PPP1R15A: variants seen among roughly 807,000 people sequenced by gnomAD.
PPP1R15A encodes the protein growth arrest and DNA damage-inducible protein GADD34.
PPP1R15A carries 43 observed loss-of-function variants against 48.5 expected under a neutral mutation model. That is an observed-to-expected ratio of 0.89 (90% CI 0.69 to 1.14). PPP1R15A has a LOEUF of 1.14. Ranked by LOEUF, PPP1R15A falls within the 50% of genes most tolerant of loss-of-function variation. The pLI, the probability that PPP1R15A is intolerant of heterozygous loss-of-function variation, is 0.00. For missense variants in PPP1R15A, 868 were observed against 847.2 expected, an observed-to-expected ratio of 1.02 and a Z score of -0.30; for synonymous variants, 327 against 327.4, an observed-to-expected ratio of 1.00 and a Z score of 0.01.
rs201262597 is a variant in PPP1R15A, at chr19:48,873,984, C to G, written c.751C>G (p.Arg251Gly). The change falls in exon 2 of 3, where the codon CGA becomes GGA. Residue 251 changes from arginine (R) to glycine (G), a missense_variant. Coordinates refer to ENST00000200453, the MANE Select transcript of PPP1R15A (RefSeq NM_014330.5). ...KGARKTSVSPRSSGSDPRSWE... is the reference protein window; with the variant it reads ...KGARKTSVSPGSSGSDPRSWE... ...AGCCAGGAAGACCTCCGTGTCCCCC[C>G]GATCTTCAGGCTCCGACCCCAGGTC... is the stretch of plus-strand genomic sequence containing the variant. 8 of 1,614,120 alleles carry G rather than the reference C, an allele frequency of 5.0e-6. 1 individual carries two copies. The highest frequency in any genetic ancestry group is 1.1e-5 in the South Asian group (1 of 91,084).
At chr19:48,875,429 T>G in intron 2 of PPP1R15A, 185 bp from the exon 3 acceptor site, 2 of 810,696 alleles carry the variant, frequency 2.5e-6, no homozygotes, top group Non-Finnish European at 3.6e-6. Flanking sequence ...AACCACCTCT[T>G]CCTTCAGTGA....
rs761342397 is a variant in PPP1R15A, at chr19:48,874,237, C to G, written c.1004C>G (p.Pro335Arg). The G allele has an allele frequency of 6.2e-7, 1 of 1,614,176 alleles. No individual in the cohort carries two copies. The highest frequency in any genetic ancestry group is 1.7e-5 in the Admixed American group (1 of 60,010). Residue 335 changes from proline to arginine, a missense_variant, in exon 2 of 3, where the codon CCA becomes CGA. By Grantham distance (103) the Pro-to-Arg change is moderately radical. Transcript: ENST00000200453. The part of the protein sequence containing the change: ...EAECPPCIPP[P>R]SAFLKAWVYW... ...GAGTGTCCTCCCTGCATCCCCCCAC[C>G]AAGTGCCTTCCTGAAGGCCTGGGTG...
intron 2 of PPP1R15A, 141 bp downstream of exon 2, chr19:48,875,039 G>A: frequency 9.4e-7 from 1 of 1,066,000 alleles, no homozygotes; most frequent in Non-Finnish European, 1.3e-6. Context: ...CGATTCTCGT[G>A]CCTCAGCCTC....
rs2037030987 is a variant in PPP1R15A at position 48,873,284 on chromosome 19, C to A, written c.51C>A (p.His17Gln). 2 of 1,576,714 alleles carry A rather than the reference C, an allele frequency of 1.3e-6. No individual in the cohort carries two copies. Among genetic ancestry groups the A allele is most frequent in the Admixed American group, 2.0e-5 (1 of 50,684 alleles). Reference sequence around the variant, plus strand: ...AGGCTACCCCGTGGAGGGATGCCCACCCTTTCTTCCTCCTGTCCCCAGTGA... The same window carrying A: ...AGGCTACCCCGTGGAGGGATGCCCAACCTTTCTTCCTCCTGTCCCCAGTGA... ...PHQATPWRDA[H>Q]PFFLLSPVMG... The change falls in exon 2 of 3, where the codon CAC (histidine) becomes CAA (glutamine). Residue 17 changes from histidine (H) to glutamine (Q), a missense_variant. Coordinates refer to ENST00000200453, the MANE Select transcript of PPP1R15A (RefSeq NM_014330.5).
In PPP1R15A at chr19:48,873,223, A is replaced by G; in HGVS notation, c.-9-2A>G. On this transcript the variant is annotated splice_acceptor_variant, in intron 1 of 2. Transcript: ENST00000200453. LOFTEE classifies it low-confidence loss of function (5UTR_SPLICE). ...CTTTATTTTTTTCTCCCCCTTTTCC[A>G]GCCCAGACACATGGCCCCAGGCCAA... The G allele has an allele frequency of 2.7e-6, 4 of 1,494,458 alleles. No individual in the cohort carries two copies. The highest frequency in any genetic ancestry group is 3.6e-6 in the Non-Finnish European group (4 of 1,120,220). The allele number at this position is 1,494,458 out of a possible 1,614,324, so 92.6% of individuals were successfully genotyped here.
At position 48,873,359 on chromosome 19, in the gene PPP1R15A, A is replaced by G. The variant is rs908641704; in HGVS notation, c.126A>G (p.Leu42=). The G allele has an allele frequency of 6.2e-7, 1 of 1,613,822 alleles. No individual in the cohort carries two copies. Among genetic ancestry groups the G allele is most frequent in the Non-Finnish European group, 8.5e-7 (1 of 1,179,934 alleles). ...AWSRLRGLGP[L]EPWLVEAVKG... ...GCCGCCTGAGGGGCCTGGGACCTCTAGAGCCCTGGCTGGTGGAAGCAGTAA... is the reference window on the plus strand; with the variant it reads ...GCCGCCTGAGGGGCCTGGGACCTCTGGAGCCCTGGCTGGTGGAAGCAGTAA... Residue 42 remains leucine (L), a synonymous_variant, in exon 2 of 3, where the codon CTA becomes CTG. Transcript: ENST00000200453.
In PPP1R15A at chr19:48,873,977, GT is replaced by G; in HGVS notation, c.745del (p.Ser249ProfsTer91). 6.2e-7 allele frequency: 1 copy of G among 1,614,156 alleles called. No homozygotes were observed. Among genetic ancestry groups the G allele is most frequent in the East Asian group, 2.2e-5 (1 of 44,886 alleles). Reference protein sequence around the residue: ...RSKGARKTSVSPRSSGSDPRS... With the variant: ...RSKGARKTSVXPRSSGSDPRS... ...GTAAAGGAGCCAGGAAGACCTCCGT[GT>G]CCCCCCGATCTTCAGGCTCCGACCC... On this transcript the variant is annotated frameshift_variant, in exon 2 of 3. Coordinates refer to ENST00000200453, the MANE Select transcript of PPP1R15A (RefSeq NM_014330.5). LOFTEE classifies it high-confidence loss of function.
rs1207588530 is a variant in PPP1R15A at position 48,875,922 on chromosome 19, C to T, written c.1974C>T (p.Arg658=). Residue 658 remains arginine (R), a synonymous_variant, in exon 3 of 3, where the codon CGC becomes CGT. Coordinates refer to ENST00000200453, the MANE Select transcript of PPP1R15A (RefSeq NM_014330.5). ...PLSQAVATPS[R]SSAAAAAALD... ...GCCAAGCTGTGGCCACACCTTCCCG[C>T]TCGTCTGCTGCTGCAGCGGCTGCCC... 3 of 1,611,942 alleles carry T rather than the reference C, an allele frequency of 1.9e-6. No homozygotes were observed. The highest frequency in any genetic ancestry group is 2.5e-6 in the Non-Finnish European group (3 of 1,178,314).
Position 48,874,313 on chromosome 19 carries a change from G to C in PPP1R15A, c.1080G>C (p.Glu360Asp). The C allele has an allele frequency of 1.2e-6, 2 of 1,611,234 alleles. No individual in the cohort carries two copies. The highest frequency in any genetic ancestry group is 1.7e-6 in the Non-Finnish European group (2 of 1,179,238). Residue 360 changes from glutamate to aspartate, a missense_variant, in exon 2 of 3, where the codon GAG becomes GAC. By Grantham distance (45) the Glu-to-Asp change is conservative. Coordinates refer to ENST00000200453, the MANE Select transcript of PPP1R15A (RefSeq NM_014330.5). ...TEEEEDEEED[E>D]DSDSGSDEEE... ...AAGAGGAAGATGAGGAAGAAGATGA[G>C]GACAGTGACTCTGGATCAGATGAGG...
chr19:48,872,723 G>T lies in PPP1R15A; in HGVS notation c.-10+72G>T, dbSNP rs375871401. 21 of 319,532 alleles carry T rather than the reference G, an allele frequency of 6.6e-5. No homozygotes were observed. In the East Asian group the frequency reaches 1.8e-3, roughly 27 times the overall value. The allele number at this position is 319,532 out of a possible 1,614,324, so 19.8% of individuals were successfully genotyped here. A position where few individuals can be genotyped will look rare whatever the true frequency, so the allele number is the denominator to read the frequency against. ...CGGATTTAGAAAGGAGAAGGGGTTG[G>T]GAGCCTGGAGTCCTGAGCCTGAGGG... On this transcript the variant is annotated intron_variant, in intron 1 of 2. Transcript: ENST00000200453.
Position 48,873,783 on chromosome 19 carries a change from C to G in PPP1R15A, c.550C>G (p.Arg184Gly). ...CAAGTTCTCTTATCCACCATCACAC[C>G]GGGAGTGTTGTCCAGCCGTGGAGGA... ...VNKFSYPPSH[R>G]ECCPAVEEED... Residue 184 changes from arginine to glycine, a missense_variant, in exon 2 of 3, where the codon CGG becomes GGG. Transcript: ENST00000200453. 1 of 1,613,990 alleles carries G rather than the reference C, an allele frequency of 6.2e-7. No individual in the cohort carries two copies. Among genetic ancestry groups the G allele is most frequent in the Non-Finnish European group, 8.5e-7 (1 of 1,179,980 alleles).
At chr19:48,875,106 T>C in intron 2 of PPP1R15A, 1 of 555,558 alleles carries the variant, frequency 1.8e-6, no homozygotes, top group Non-Finnish European at 2.9e-6. Context: ...TTTTTTGTAT[T>C]TTTAGTAGAG....
Position 48,874,700 on chromosome 19 carries a change from G to C in PPP1R15A, c.1467G>C (p.Glu489Asp), listed in dbSNP as rs778736029. 3.1e-6 allele frequency: 5 copies of C among 1,613,950 alleles called. No homozygotes were observed. Among genetic ancestry groups the C allele is most frequent in the Non-Finnish European group, 3.4e-6 (4 of 1,180,008 alleles). ...FRGWGYRPGKETEEEEAAEDW... is the reference protein window; with the variant it reads ...FRGWGYRPGKDTEEEEAAEDW... ...GCTGGGGATATCGACCTGGAAAAGAGACAGAGGAAGAGGAAGCTGCTGAGG... is the reference window on the plus strand; with the variant it reads ...GCTGGGGATATCGACCTGGAAAAGACACAGAGGAAGAGGAAGCTGCTGAGG... The change falls in exon 2 of 3, where the codon GAG becomes GAC. Residue 489 changes from glutamate (E) to aspartate (D), a missense_variant. Glu to Asp is a conservative substitution (Grantham distance 45). Coordinates refer to ENST00000200453, the MANE Select transcript of PPP1R15A (RefSeq NM_014330.5).
Position 48,874,330 on chromosome 19 carries a change from C to A in PPP1R15A, c.1097C>A (p.Ser366Ter). 1 of 1,610,604 alleles carries A rather than the reference C, an allele frequency of 6.2e-7. No homozygotes were observed. The highest frequency in any genetic ancestry group is 8.5e-7 in the Non-Finnish European group (1 of 1,179,230). ...GAAGATGAGGACAGTGACTCTGGATCAGATGAGGAAGAGGGAGAAGCTGAG... is the reference window on the plus strand; with the variant it reads ...GAAGATGAGGACAGTGACTCTGGATAAGATGAGGAAGAGGGAGAAGCTGAG... ...EEEDEDSDSGSDEEEGEAEAS... is the reference protein window; with the variant it reads ...EEEDEDSDSG The change falls in exon 2 of 3, where the codon TCA becomes TAA. Residue 366 changes from serine (S) to a stop codon, truncating the protein, a stop_gained. Transcript: ENST00000200453. LOFTEE classifies it high-confidence loss of function.
Position 48,874,121 on chromosome 19 carries a change from G to GC in PPP1R15A, c.892dup (p.Gln298ProfsTer11). The GC allele has an allele frequency of 3.7e-6, 6 of 1,614,184 alleles. No individual in the cohort carries two copies. Among genetic ancestry groups the GC allele is most frequent in the Non-Finnish European group, 5.1e-6 (6 of 1,180,024 alleles). On this transcript the variant is annotated frameshift_variant, in exon 2 of 3. Coordinates refer to ENST00000200453, the MANE Select transcript of PPP1R15A (RefSeq NM_014330.5). LOFTEE classifies it high-confidence loss of function. The stretch of plus-strand genomic sequence containing the variant: ...CGCAATCCTCAGCCCCAGCCCAGAG[G>GC]CCCCAGCTCAAGTCCTGGTGGTGCC...
chr19:48,872,644 C>G lies in PPP1R15A; in HGVS notation c.-17C>G, dbSNP rs1037651085. On this transcript the variant is annotated 5_prime_UTR_variant, in exon 1 of 3. Coordinates refer to ENST00000200453, the MANE Select transcript of PPP1R15A (RefSeq NM_014330.5). Reference sequence around the variant, plus strand: ...CCTGCCCCCGGGGTGACGCGCAGCTCCCAGCCGGTGAGTAAGGGGTCGGAA... The same window carrying G: ...CCTGCCCCCGGGGTGACGCGCAGCTGCCAGCCGGTGAGTAAGGGGTCGGAA... 2.7e-6 allele frequency: 1 copy of G among 365,328 alleles called. No homozygotes were observed. The highest frequency in any genetic ancestry group is 2.1e-5 in the African/African-American group (1 of 47,232). 22.6% of individuals were successfully genotyped at this position (365,328 alleles called of 1,614,324 possible). A position where few individuals can be genotyped will look rare whatever the true frequency, so the allele number is the denominator to read the frequency against.
intron 1 of PPP1R15A, 49 bp from the exon 2 acceptor site, chr19:48,873,176 C>T: frequency 7.0e-7 from 1 of 1,424,484 alleles, no homozygotes; most frequent in South Asian, 1.6e-5. Context: ...GCCCGGATGC[C>T]ATCCTCTAAA....
At position 48,875,880 on chromosome 19, in the gene PPP1R15A, C is replaced by T; in HGVS notation, c.1932C>T (p.Val644=). The change falls in exon 3 of 3, where the codon GTC becomes GTT. Residue 644 remains valine, a synonymous_variant. Transcript: ENST00000200453. ...CCTCCTCTGTCCCTTCGTCCCCAGT[C>T]CAGACCACGCCCTTGAGCCAAGCTG... The part of the protein sequence containing the change: ...LPSSSVPSSP[V]QTTPLSQAVA... 6.2e-7 allele frequency: 1 copy of T among 1,614,192 alleles called. No individual in the cohort carries two copies. Among genetic ancestry groups the T allele is most frequent in the South Asian group, 1.1e-5 (1 of 91,088 alleles).
At chr19:48,875,359 TG>T in intron 2 of PPP1R15A, 1 of 561,054 alleles carries the variant, frequency 1.8e-6, no homozygotes, top group Non-Finnish European at 3.1e-6. Context: ...CGCAATCCCT[TG>T]TAAGAGGCCA....
Sources: allele counts gnomAD v4.1 joint callset, GRCh38; gene constraint gnomAD v4.1.1; transcripts MANE v1.5; gene names NCBI Gene and HGNC (gene_info 2026-07-23, HGNC 2026-07-21).